RAPGEF5: variants seen among roughly 807,000 people sequenced by gnomAD.
RAPGEF5 encodes the protein M-Ras-regulated GEF.
Under a neutral mutation model 125.2 loss-of-function variants are expected in RAPGEF5, and 65 were observed. The observed-to-expected ratio is 0.52, with a 90% confidence interval of 0.43 to 0.64. The LOEUF (loss-of-function observed/expected upper bound fraction) is 0.64. Among genes scored for constraint, RAPGEF5 ranks in the 30% least tolerant of loss-of-function variants. RAPGEF5 has a pLI of 0.00. For missense variants in RAPGEF5, 958 were observed against 1,048.1 expected (o/e 0.91, Z 1.19); for synonymous variants, 391 against 385.9 (o/e 1.01, Z -0.16).
intron 11 of RAPGEF5, among the ~76,000 whole-genome samples, chr7:22,179,369 A>T (rs1784604514): frequency 6.6e-6 from 1 of 152,240 alleles, no homozygotes; most frequent in Non-Finnish European, 1.5e-5. Context: ...CAGACATAAG[A>T]AAAGTACTTA....
chr7:22,169,636 C>T (rs962419617), intron 11 of RAPGEF5, among the ~76,000 whole-genome samples: 1 of 149,628 alleles, frequency 6.7e-6, no homozygotes, highest in Non-Finnish European at 1.5e-5. Context: ...GAGTAGATTG[C>T]TTGAGGCCAG....
At chr7:22,162,900 T>C (rs1784051966) in intron 12 of RAPGEF5, 1 of 465,038 alleles carries the variant, frequency 2.2e-6, no homozygotes, top group Non-Finnish European at 4.3e-6. Context: ...CACAGGTGAA[T>C]ACTATTTCAA....
intron 2 of RAPGEF5, among the ~76,000 whole-genome samples, chr7:22,316,460 C>CATATATATATATAT (rs757768702): frequency 4.3e-5 from 4 of 92,740 alleles, no homozygotes; most frequent in African/African-American, 1.8e-4. Context: ...TATACATAGA[C>CATATATATATATAT]ATATATATAT....
At chr7:22,137,190 A>G (rs1273582421) in intron 21 of RAPGEF5, among the ~76,000 whole-genome samples, 3 of 152,248 alleles carry the variant, frequency 2.0e-5, no homozygotes, top group Non-Finnish European at 4.4e-5. Flanking sequence ...TGCTTAAAAC[A>G]GCTTAAAATA....
At chr7:22,315,817 A>G (rs936019311) in intron 2 of RAPGEF5, among the ~76,000 whole-genome samples, 1 of 151,988 alleles carries the variant, frequency 6.6e-6, no homozygotes, top group Non-Finnish European at 1.5e-5. Context: ...TAATATTTAT[A>G]TCAATACAGC....
intron 21 of RAPGEF5, among the ~76,000 whole-genome samples, chr7:22,138,308 C>G (rs772749852): frequency 6.6e-6 from 1 of 152,170 alleles, no homozygotes. Context: ...CCCCTTCATT[C>G]AGGCACGTAC....
intron 12 of RAPGEF5, among the ~76,000 whole-genome samples, chr7:22,163,931 A>G (rs188182618): frequency 2.6e-4 from 39 of 152,200 alleles, no homozygotes; most frequent in Admixed American, 5.2e-4. Context: ...TCCTGCAAAA[A>G]TACATTAAGA....
At chr7:22,155,536 G>A (rs927556138) in intron 16 of RAPGEF5, among the ~76,000 whole-genome samples, 4 of 152,024 alleles carry the variant, frequency 2.6e-5, no homozygotes, top group African/African-American at 7.2e-5. Context: ...CAGTTTAATT[G>A]GCACCACAAA....
intron 11 of RAPGEF5, among the ~76,000 whole-genome samples, chr7:22,169,316 A>C (rs1264875433): frequency 1.3e-5 from 2 of 152,230 alleles, no homozygotes; most frequent in Admixed American, 1.3e-4. Flanking sequence ...AGCTCAAGTT[A>C]AACACTGGTC....
chr7:22,150,597 G>A (rs1783597113), intron 17 of RAPGEF5, 93 bp from the exon 18 acceptor site: 14 of 1,442,524 alleles, frequency 9.7e-6, no homozygotes, highest in Non-Finnish European at 1.2e-5. Context: ...AGTGAAACTT[G>A]CCAAAGAAAA....
intron 1 of RAPGEF5, among the ~76,000 whole-genome samples, chr7:22,346,625 C>A (rs1228214202): frequency 6.6e-6 from 1 of 152,100 alleles, no homozygotes; most frequent in Non-Finnish European, 1.5e-5. Context: ...ATAACAGCTG[C>A]AGGTAAATGA....
At chr7:22,240,518 C>T (rs574819178) in intron 7 of RAPGEF5, among the ~76,000 whole-genome samples, 1 of 151,900 alleles carries the variant, frequency 6.6e-6, no homozygotes, top group South Asian at 2.1e-4. Context: ...ATTACAGGTG[C>T]CCACCACCAT....
intron 6 of RAPGEF5, among the ~76,000 whole-genome samples, chr7:22,267,442 C>T (rs1782310097): frequency 6.6e-6 from 1 of 152,088 alleles, no homozygotes; most frequent in African/African-American, 2.4e-5. Flanking sequence ...TATAGGTAAT[C>T]CTGGTTTAAT....
chr7:22,267,736 C>T (rs58381200), intron 6 of RAPGEF5, among the ~76,000 whole-genome samples: 93 of 152,230 alleles, frequency 6.1e-4, no homozygotes, highest in African/African-American at 2.2e-3. Flanking sequence ...AAAATAAGCA[C>T]AGTCACTTTC....
chr7:22,193,981 A>G lies in RAPGEF5; in HGVS notation c.1049T>C (p.Leu350Pro). The G allele has an allele frequency of 1.2e-6, 2 of 1,613,966 alleles. No homozygotes were observed. The highest frequency in any genetic ancestry group is 1.7e-5 in the Admixed American group (1 of 60,024). ...VQVKEQDQSV[L>P]VLKKVQCCGP... ...ACAGCACTGCACTTTCTTCAGCACCAGGACGCTCTGGTCTTGCTCTTTAAC... is the reference window on the plus strand; with the variant it reads ...ACAGCACTGCACTTTCTTCAGCACCGGGACGCTCTGGTCTTGCTCTTTAAC... The change falls in exon 10 of 26, where the codon CTG becomes CCG. Residue 350 changes from leucine (L) to proline (P), a missense_variant. Physicochemically the swap from Leu to Pro is moderately conservative, Grantham distance 98. Transcript: ENST00000665637.
At chr7:22,257,473 C>A (rs919033659) in intron 7 of RAPGEF5, among the ~76,000 whole-genome samples, 15 of 152,160 alleles carry the variant, frequency 9.9e-5, no homozygotes, top group Non-Finnish European at 1.5e-4. Flanking sequence ...TTTAAAACAG[C>A]AGGGGCCATA....
chr7:22,219,898 T>C lies in RAPGEF5; in HGVS notation c.964A>G (p.Thr322Ala). 6.2e-7 allele frequency: 1 copy of C among 1,613,238 alleles called. No individual in the cohort carries two copies. Among genetic ancestry groups the C allele is most frequent in the Non-Finnish European group, 8.5e-7 (1 of 1,179,366 alleles). ...LAKENYQFLQ[T>A]DKKEQEKSEH... ...GACTTCTCCTGTTCTTTTTTGTCCG[T>C]CTGCAAAAACTGATAGTTTTCTTTT... Residue 322 changes from threonine to alanine, a missense_variant, in exon 9 of 26, where the codon ACG (threonine) becomes GCG (alanine). Transcript: ENST00000665637.
intron 6 of RAPGEF5, among the ~76,000 whole-genome samples, chr7:22,280,675 T>C (rs757575597): frequency 4.6e-5 from 7 of 152,240 alleles, no homozygotes; most frequent in Non-Finnish European, 8.8e-5. Flanking sequence ...ATGAATCATA[T>C]GTATATACTT....
intron 7 of RAPGEF5, among the ~76,000 whole-genome samples, chr7:22,236,407 G>T (rs934221178): frequency 6.6e-6 from 1 of 152,178 alleles, no homozygotes; most frequent in Non-Finnish European, 1.5e-5. Context: ...GCTGTGATAG[G>T]TGTAGTGGCA....
Sources: gnomAD v4.1 joint callset for allele counts (sites outside exome capture counted in the v4.1 genomes callset) on GRCh38, gnomAD v4.1.1 for gene constraint, MANE v1.5 for transcripts, NCBI Gene and HGNC (gene_info 2026-07-23, HGNC 2026-07-21) for gene names.